Variants in AUTS2 observed in about 807,000 individuals in gnomAD.
The protein encoded by AUTS2 is activator of transcription and developmental regulator AUTS2, also known as autism susceptibility gene 2 protein.
In AUTS2, 17 loss-of-function variants were observed where a neutral mutation model predicts 112.4. The ratio of observed to expected loss-of-function variants is 0.15; its 90% CI spans 0.10 to 0.23. The LOEUF (loss-of-function observed/expected upper bound fraction) is 0.23, where lower values mean the gene tolerates loss of function less well. Ranked by LOEUF, AUTS2 falls within the 10% of genes least tolerant of loss-of-function variation. The pLI is 1.00. For synonymous variants in AUTS2, 751 were observed against 702.7 expected (o/e 1.07, Z -1.09); for missense variants, 1,510 against 1,701.6 (o/e 0.89, Z 1.98).
chr7:69,921,194 G>A (rs1184806099), intron 2 of AUTS2, among the ~76,000 whole-genome samples: 1 of 152,046 alleles, frequency 6.6e-6, no homozygotes, highest in African/African-American at 2.4e-5. Context: ...TGACTTTCTT[G>A]TTGGATTGAC....
rs542419710 is a variant in AUTS2, at chr7:69,842,968, T to A, written c.310-56318T>A. The stretch of plus-strand genomic sequence containing the variant: ...GGGTTTACTCAGAGATGCTGGGGGC[T>A]TGAGTGTAGTATTGCTCTGTTGTAG... On this transcript the variant is annotated intron_variant, in intron 1 of 18. Coordinates refer to ENST00000342771, the MANE Select transcript of AUTS2 (RefSeq NM_015570.4). 7.9e-5 allele frequency among the ~76,000 whole-genome samples: 12 copies of A among 152,234 alleles called. No individual in the cohort carries two copies. In the East Asian group the frequency reaches 2.3e-3, roughly 29 times the overall value.
intron 4 of AUTS2, among the ~76,000 whole-genome samples, chr7:70,278,623 A>ATACG (rs397695336): frequency 1.3e-5 from 2 of 151,602 alleles, no homozygotes; most frequent in Admixed American, 6.6e-5. Flanking sequence ...ACATACATAC[A>ATACG]TATGTACATG....
chr7:70,331,137 T>G (rs1256985852), intron 4 of AUTS2, among the ~76,000 whole-genome samples: 1 of 152,172 alleles, frequency 6.6e-6, no homozygotes, highest in Non-Finnish European at 1.5e-5. Flanking sequence ...CAGCTCCTCT[T>G]TGTACCTCTG....
intron 6 of AUTS2, among the ~76,000 whole-genome samples, chr7:70,745,424 C>T (rs548420120): frequency 2.6e-5 from 4 of 152,246 alleles, no homozygotes; most frequent in Middle Eastern, 3.4e-3. Context: ...ATCAGGTTTC[C>T]GGATTTAAAG....
chr7:70,768,349 A>G (rs922758677), intron 10 of AUTS2, among the ~76,000 whole-genome samples: 3 of 151,850 alleles, frequency 2.0e-5, no homozygotes, highest in Non-Finnish European at 4.4e-5. Flanking sequence ...GATGTCTGCA[A>G]TGGAGTCAGT....
intron 1 of AUTS2, among the ~76,000 whole-genome samples, chr7:69,895,511 C>T (rs1164945927): frequency 6.6e-6 from 1 of 151,660 alleles, no homozygotes; most frequent in Non-Finnish European, 1.5e-5. Flanking sequence ...GCCACCACCT[C>T]TAGACACACT....
intron 1 of AUTS2, among the ~76,000 whole-genome samples, chr7:69,628,072 A>G (rs1156848508): frequency 1.3e-5 from 2 of 152,290 alleles, no homozygotes; most frequent in East Asian, 3.9e-4. Context: ...GCCTGCAGTA[A>G]TGTGTCGGTA....
At chr7:70,542,610 G>A (rs1051100854) in intron 5 of AUTS2, among the ~76,000 whole-genome samples, 8 of 152,184 alleles carry the variant, frequency 5.3e-5, no homozygotes, top group African/African-American at 1.9e-4. Context: ...TAAACTTTAT[G>A]TGTTAAACTT....
At chr7:70,729,434 G>A (rs926576012) in intron 6 of AUTS2, among the ~76,000 whole-genome samples, 30 of 152,258 alleles carry the variant, frequency 2.0e-4, no homozygotes, top group African/African-American at 6.7e-4. Context: ...TTCCAGGAAC[G>A]TGTCCCTACC....
chr7:69,602,270 TAA>T (rs1792481428), intron 1 of AUTS2, among the ~76,000 whole-genome samples: 1 of 152,120 alleles, frequency 6.6e-6, no homozygotes, highest in Non-Finnish European at 1.5e-5. Context: ...AATGTACAGT[TAA>T]TACCATTTCT....
chr7:70,074,041 ATAATT>A (rs1443296975), intron 2 of AUTS2, among the ~76,000 whole-genome samples: 5 of 152,254 alleles, frequency 3.3e-5, no homozygotes, highest in African/African-American at 9.6e-5. Context: ...CTTCCACAGA[ATAATT>A]TAAGCAACTG....
intron 2 of AUTS2, among the ~76,000 whole-genome samples, chr7:70,095,244 A>C (rs1804126740): frequency 6.6e-6 from 1 of 152,176 alleles, no homozygotes; most frequent in South Asian, 2.1e-4. Context: ...AGAGGATTGG[A>C]TCACATATTA....
chr7:69,688,945 A>G (rs2129176173), intron 1 of AUTS2, among the ~76,000 whole-genome samples: 1 of 152,302 alleles, frequency 6.6e-6, no homozygotes, highest in East Asian at 1.9e-4. Context: ...AGTTTAAAGG[A>G]TTGAGATAAA....
Position 70,700,155 on chromosome 7 carries a change from C to G in AUTS2, c.742+1535C>G, listed in dbSNP as rs533599121. ...CTCTTCCCTCTGGTTCTTTCCCCCC[C>G]TTTTTTTCCTTTTCCAATCAAACGT... On this transcript the variant is annotated intron_variant, in intron 6 of 18. Coordinates refer to ENST00000342771, the MANE Select transcript of AUTS2 (RefSeq NM_015570.4). 3.3e-5 allele frequency among the ~76,000 whole-genome samples: 5 copies of G among 152,252 alleles called. No homozygotes were observed. The South Asian group carries it at 6.2e-4, about 19-fold the overall frequency.
At chr7:70,376,949 C>G (rs1291173017) in intron 4 of AUTS2, among the ~76,000 whole-genome samples, 2 of 151,688 alleles carry the variant, frequency 1.3e-5, no homozygotes, top group African/African-American at 4.8e-5. Flanking sequence ...TGTCAATGAT[C>G]TGACCCAAGA....
chr7:70,789,546 A>C (rs6971763), intron 18 of AUTS2, among the ~76,000 whole-genome samples: 2 of 151,768 alleles, frequency 1.3e-5, no homozygotes, highest in African/African-American at 4.8e-5. Context: ...CATCTCCCCC[A>C]TTAAGCTTCC....
chr7:70,529,539 G>A (rs1237437725), intron 5 of AUTS2, among the ~76,000 whole-genome samples: 1 of 152,148 alleles, frequency 6.6e-6, no homozygotes, highest in Non-Finnish European at 1.5e-5. Flanking sequence ...CAGGCAAATC[G>A]TACCTATAAA....
intron 1 of AUTS2, among the ~76,000 whole-genome samples, chr7:69,619,273 G>A (rs1793539152): frequency 6.6e-6 from 1 of 152,158 alleles, no homozygotes; most frequent in African/African-American, 2.4e-5. Flanking sequence ...ATAAGCATCA[G>A]GAACTTAGAG....
At chr7:70,389,855 A>G (rs1562930028) in intron 4 of AUTS2, among the ~76,000 whole-genome samples, 1 of 152,252 alleles carries the variant, frequency 6.6e-6, no homozygotes, top group East Asian at 1.9e-4. Flanking sequence ...TTTCAGTGCA[A>G]AAAAAATTAC....
Sources: gnomAD v4.1 joint callset for allele counts (sites outside exome capture counted in the v4.1 genomes callset) on GRCh38, gnomAD v4.1.1 for gene constraint, MANE v1.5 for transcripts, NCBI Gene and HGNC (gene_info 2026-07-23, HGNC 2026-07-21) for gene names.